ARRDC1: variants seen among roughly 807,000 people sequenced by gnomAD.
ARRDC1 encodes arrestin domain-containing protein 1.
In ARRDC1, 37 loss-of-function variants were observed where a neutral mutation model predicts 40.1. The ratio of observed to expected loss-of-function variants is 0.92; its 90% CI spans 0.71 to 1.21. The LOEUF is 1.21. Ranked by LOEUF, ARRDC1 falls within the 50% of genes most tolerant of loss-of-function variation. The probability of loss-of-function intolerance (pLI) is 0.00; values close to 1 mark genes in which losing one functional copy is unlikely to be tolerated. For missense variants in ARRDC1, 641 were observed against 581.9 expected, an observed-to-expected ratio of 1.10 and a Z score of -1.04; for synonymous variants, 310 against 262.5, an observed-to-expected ratio of 1.18 and a Z score of -1.75.
rs780795182 is a variant in ARRDC1 at position 137,614,943 on chromosome 9, C to T, written c.1180C>T (p.Pro394Ser). The change falls in exon 7 of 8, where the codon CCC (proline) becomes TCC (serine). Residue 394 changes from proline (P) to serine (S), a missense_variant. By Grantham distance (74) the Pro-to-Ser change is moderately conservative. Transcript: ENST00000371421. ...YFAEGSGGPVPTTSTLILPPE... is the reference protein window; with the variant it reads ...YFAEGSGGPVSTTSTLILPPE... ...TGCAGAGGGCTCCGGGGGGCCAGTG[C>T]CCACTACCAGCACCTTGATTCTTCC... The T allele has an allele frequency of 1.2e-6, 2 of 1,613,870 alleles. No individual in the cohort carries two copies. Among genetic ancestry groups the T allele is most frequent in the Admixed American group, 1.7e-5 (1 of 60,010 alleles).
intron 2 of ARRDC1, 110 bp downstream of exon 2, chr9:137,613,116 C>A: frequency 2.2e-6 from 2 of 912,448 alleles, no homozygotes; most frequent in Non-Finnish European, 3.5e-6. Flanking sequence ...GGATCTGGCA[C>A]TGGCCCATCT....
In ARRDC1 at chr9:137,614,708, GGAGGCT is replaced by G. The variant is rs566052691; in HGVS notation, c.959_964del (p.Glu320_Ala321del). 311 of 1,610,964 alleles carry G rather than the reference GGAGGCT, an allele frequency of 1.9e-4. No individual in the cohort carries two copies. The East Asian group carries it at 5.4e-3, about 28-fold the overall frequency. ...TGGTGCCTTCCGCACCACCCCAGGA[GGAGGCT>G]GAGGCTGAGGCTGCGGCTGGCGGCC... On this transcript the variant is annotated inframe_deletion, in exon 7 of 8. Coordinates refer to ENST00000371421, the MANE Select transcript of ARRDC1 (RefSeq NM_152285.4).
chr9:137,613,059 G>A (rs1193153257), intron 2 of ARRDC1, 53 bp downstream of exon 2: 64 of 1,355,254 alleles, frequency 4.7e-5, no homozygotes, highest in South Asian at 2.2e-4. Context: ...AGCCCTTGGA[G>A]TGGGGCCTGT....
Position 137,614,623 on chromosome 9 carries a change from A to C in ARRDC1, c.860A>C (p.Asn287Thr), listed in dbSNP as rs72765183. ...GTCTTCATTGGCAATATTGCTGTGA[A>C]CCATGCCCCAGTGAGCCCCCGGCCA... ...LPVFIGNIAVNHAPVSPRPGL... is the reference protein window; with the variant it reads ...LPVFIGNIAVTHAPVSPRPGL... The change falls in exon 7 of 8, where the codon AAC (asparagine) becomes ACC (threonine). Residue 287 changes from asparagine to threonine, a missense_variant. Physicochemically the swap from Asn to Thr is moderately conservative, Grantham distance 65 (BLOSUM62 0). Transcript: ENST00000371421. 32,559 of 1,612,356 alleles carry C rather than the reference A, an allele frequency of 0.02. 491 individuals are homozygous for C. The highest frequency in any genetic ancestry group is 0.054 in the Middle Eastern group (329 of 6,060).
intron 1 of ARRDC1, among the ~76,000 whole-genome samples, chr9:137,607,921 A>T (rs933610867): frequency 6.6e-6 from 1 of 152,224 alleles, no homozygotes; most frequent in African/African-American, 2.4e-5. Context: ...AGAGGCCTGC[A>T]GCCTCCAGCA....
At chr9:137,610,772 A>C (rs930829151) in intron 1 of ARRDC1, among the ~76,000 whole-genome samples, 1 of 152,200 alleles carries the variant, frequency 6.6e-6, no homozygotes, top group African/African-American at 2.4e-5. Context: ...CATGTCGGTC[A>C]GGCTGGTCTG....
intron 1 of ARRDC1, among the ~76,000 whole-genome samples, chr9:137,607,960 A>G (rs1453421209): frequency 6.6e-6 from 1 of 152,152 alleles, no homozygotes; most frequent in Non-Finnish European, 1.5e-5. Flanking sequence ...ATCTGAACAC[A>G]GGAAACATTT....
In ARRDC1 at chr9:137,614,367, C is replaced by A; in HGVS notation, c.687C>A (p.Gly229=). ...CCATTGCGGAGGTGGAGGGTGCGGG[C>A]GTCAAGGCCTGGCGGCGGGCGCAGT... ...VRTIAEVEGA[G]VKAWRRAQWH... The change falls in exon 6 of 8, where the codon GGC becomes GGA. Residue 229 remains glycine (G), a synonymous_variant. Transcript: ENST00000371421. The A allele has an allele frequency of 6.2e-7, 1 of 1,613,056 alleles. No individual in the cohort carries two copies. The highest frequency in any genetic ancestry group is 1.3e-5 in the African/African-American group (1 of 75,054).
chr9:137,613,784 G>A lies in ARRDC1; in HGVS notation c.435+15G>A. On this transcript the variant is annotated intron_variant, in intron 4 of 7. Coordinates refer to ENST00000371421, the MANE Select transcript of ARRDC1 (RefSeq NM_152285.4). Reference sequence around the variant, plus strand: ...CAGACATTGAGGTGAGGATGGCACAGTGACCTCCTTGGTGGGTCCCCACCC... The same window carrying A: ...CAGACATTGAGGTGAGGATGGCACAATGACCTCCTTGGTGGGTCCCCACCC... 1 of 1,613,626 alleles carries A rather than the reference G, an allele frequency of 6.2e-7. No homozygotes were observed. The highest frequency in any genetic ancestry group is 8.5e-7 in the Non-Finnish European group (1 of 1,179,676).
Position 137,614,983 on chromosome 9 carries a change from C to A in ARRDC1, c.1220C>A (p.Ser407Tyr), listed in dbSNP as rs1453782350. The A allele has an allele frequency of 8.1e-6, 13 of 1,613,666 alleles. No homozygotes were observed. The highest frequency in any genetic ancestry group is 9.3e-6 in the Non-Finnish European group (11 of 1,179,892). Residue 407 changes from serine to tyrosine, a missense_variant, in exon 7 of 8, where the codon TCT becomes TAT. Physicochemically the swap from Ser to Tyr is moderately radical, Grantham distance 144. Coordinates refer to ENST00000371421, the MANE Select transcript of ARRDC1 (RefSeq NM_152285.4). ...STLILPPEYS[S>Y]WGYPYEAPPS... ...TTGATTCTTCCTCCAGAGTACAGTTCTTGGGGCTACCCCTATGGTGAGTCG... is the reference window on the plus strand; with the variant it reads ...TTGATTCTTCCTCCAGAGTACAGTTATTGGGGCTACCCCTATGGTGAGTCG...
Position 137,614,199 on chromosome 9 carries a change from G to T in ARRDC1, c.603G>T (p.Val201=), listed in dbSNP as rs1236580858. 6.3e-7 allele frequency: 1 copy of T among 1,598,958 alleles called. No homozygotes were observed. Among genetic ancestry groups the T allele is most frequent in the Non-Finnish European group, 8.5e-7 (1 of 1,169,664 alleles). The change falls in exon 5 of 8, where the codon GTG becomes GTT. Residue 201 remains valine, a synonymous_variant. Coordinates refer to ENST00000371421, the MANE Select transcript of ARRDC1 (RefSeq NM_152285.4). ...CAGGCAAGGACACCAGCCCTGTGGT[G>T]GCCAGTCTGCTGCAGGTCAGAGCCC... ...NQSGKDTSPV[V]ASLLQKVSYK...
At position 137,613,704 on chromosome 9, in the gene ARRDC1, C is replaced by T; in HGVS notation, c.370C>T (p.His124Tyr). ...CCACACGCCACGGTTTTCCAAGGATCACAAGTGCAGCCTCGTGTTCTATAT... is the reference window on the plus strand; with the variant it reads ...CCACACGCCACGGTTTTCCAAGGATTACAAGTGCAGCCTCGTGTTCTATAT... Reference protein sequence around the residue: ...AIHTPRFSKDHKCSLVFYILS... With the variant: ...AIHTPRFSKDYKCSLVFYILS... The change falls in exon 4 of 8, where the codon CAC (histidine) becomes TAC (tyrosine). Residue 124 changes from histidine (H) to tyrosine (Y), a missense_variant. His to Tyr is a moderately conservative substitution (Grantham distance 83, BLOSUM62 2). Transcript: ENST00000371421. The T allele has an allele frequency of 6.2e-7, 1 of 1,614,206 alleles. No homozygotes were observed. Among genetic ancestry groups the T allele is most frequent in the Non-Finnish European group, 8.5e-7 (1 of 1,180,038 alleles).
At chr9:137,613,038 C>T (rs780933045) in intron 2 of ARRDC1, 32 bp downstream of exon 2, 1 of 1,541,350 alleles carries the variant, frequency 6.5e-7, no homozygotes, top group South Asian at 1.1e-5. Flanking sequence ...CGAGTGGTGA[C>T]CCCTGGGGGC....
In ARRDC1 at chr9:137,613,685, G is replaced by C; in HGVS notation, c.351G>C (p.Thr117=). 12 of 1,614,210 alleles carry C rather than the reference G, an allele frequency of 7.4e-6. No individual in the cohort carries two copies. Among genetic ancestry groups the C allele is most frequent in the Non-Finnish European group, 1.0e-5 (12 of 1,180,028 alleles). ...ACCAGGTGAGGGCCGCCATCCACAC[G>C]CCACGGTTTTCCAAGGATCACAAGT... ...IVHQVRAAIH[T]PRFSKDHKCS... is the part of the protein sequence containing the mutation. Residue 117 remains threonine (T), a synonymous_variant, in exon 4 of 8, where the codon ACG becomes ACC. Coordinates refer to ENST00000371421, the MANE Select transcript of ARRDC1 (RefSeq NM_152285.4).
At position 137,614,271 on chromosome 9, in the gene ARRDC1, G is replaced by C. The variant is rs375187096; in HGVS notation, c.619-28G>C. On this transcript the variant is annotated intron_variant, in intron 5 of 7. Transcript: ENST00000371421. ...CTCCTGGGGTGGGCTGGCAGCCTGCGCAGGCTCACAGGCTGGTCCTTCCCC... is the reference window on the plus strand; with the variant it reads ...CTCCTGGGGTGGGCTGGCAGCCTGCCCAGGCTCACAGGCTGGTCCTTCCCC... 12 of 1,579,312 alleles carry C rather than the reference G, an allele frequency of 7.6e-6. No individual in the cohort carries two copies. In the African/African-American group the frequency reaches 1.3e-4, roughly 18 times the overall value.
Position 137,615,010 on chromosome 9 carries a change from C to G in ARRDC1, c.1237+10C>G, listed in dbSNP as rs1842643973. 6.2e-7 allele frequency: 1 copy of G among 1,612,842 alleles called. No homozygotes were observed. The highest frequency in any genetic ancestry group is 8.5e-7 in the Non-Finnish European group (1 of 1,179,398). On this transcript the variant is annotated intron_variant, in intron 7 of 7. Transcript: ENST00000371421. ...TGGGGCTACCCCTATGGTGAGTCGA[C>G]AGCCAGGGCTTGGCAGGGAGGGGAC...
At chr9:137,609,353 G>C (rs553262134) in intron 1 of ARRDC1, among the ~76,000 whole-genome samples, 1 of 152,154 alleles carries the variant, frequency 6.6e-6, no homozygotes, top group South Asian at 2.1e-4. Flanking sequence ...TTCTGCCTCA[G>C]ACTCCCGAGT....
Position 137,614,433 on chromosome 9 carries a change from C to T in ARRDC1, c.753C>T (p.Ala251=), listed in dbSNP as rs1205475734. ...QILVPALPQS[A]LPGCSLIHID... The stretch of plus-strand genomic sequence containing the variant: ...TGGTGCCTGCCTTGCCCCAGTCGGC[C>T]CTGCCGGGCTGCAGCCTCATCCACA... Residue 251 remains alanine (A), a synonymous_variant, in exon 6 of 8, where the codon GCC becomes GCT. Transcript: ENST00000371421. 1.2e-6 allele frequency: 2 copies of T among 1,613,338 alleles called. No homozygotes were observed. Among genetic ancestry groups the T allele is most frequent in the East Asian group, 4.5e-5 (2 of 44,866 alleles).
chr9:137,613,490 C>T lies in ARRDC1; in HGVS notation c.260C>T (p.Pro87Leu), dbSNP rs746876527. 9 of 1,613,408 alleles carry T rather than the reference C, an allele frequency of 5.6e-6. No homozygotes were observed. Among genetic ancestry groups the T allele is most frequent in the Non-Finnish European group, 7.6e-6 (9 of 1,179,906 alleles). Residue 87 changes from proline to leucine, a missense_variant, in exon 3 of 8, where the codon CCC becomes CTC. Transcript: ENST00000371421. ...GSLPAGEHSFPFQFLLPATAP... is the reference protein window; with the variant it reads ...GSLPAGEHSFLFQFLLPATAP... ...CTGCCCGCTGGAGAGCACAGCTTCC[C>T]CTTCCAGTTCCTGCTTCCTGGTGAG... is the stretch of plus-strand genomic sequence containing the variant.
Sources: allele counts gnomAD v4.1 joint callset (sites outside exome capture counted in the v4.1 genomes callset), GRCh38; gene constraint gnomAD v4.1.1; transcripts MANE v1.5; gene names NCBI Gene and HGNC (gene_info 2026-07-23, HGNC 2026-07-21).